Variants in MACROD2 observed in about 807,000 individuals in gnomAD.
The protein encoded by MACROD2 is ADP-ribose glycohydrolase MACROD2.
Under a neutral mutation model 70.4 loss-of-function variants are expected in MACROD2, and 36 were observed. The observed-to-expected ratio is 0.51, with a 90% CI of 0.39 to 0.68. The LOEUF (loss-of-function observed/expected upper bound fraction) is 0.68, where lower values mean the gene tolerates loss of function less well. Among genes scored for constraint, MACROD2 ranks in the 30% least tolerant of loss-of-function variants. MACROD2 has a pLI of 0.00. For missense variants in MACROD2, 496 were observed against 538.4 expected (o/e 0.92, Z 0.78); for synonymous variants, 172 against 178.8 (o/e 0.96, Z 0.30).
chr20:15,759,223 C>T (rs1192675460), intron 8 of MACROD2, among the ~76,000 whole-genome samples: 1 of 150,804 alleles, frequency 6.6e-6, no homozygotes, highest in Non-Finnish European at 1.5e-5. Flanking sequence ...TTCAAAGATG[C>T]CTCTGTGGGA....
chr20:14,531,285 G>C (rs1600348288), intron 4 of MACROD2, among the ~76,000 whole-genome samples: 1 of 152,168 alleles, frequency 6.6e-6, no homozygotes, highest in Non-Finnish European at 1.5e-5. Flanking sequence ...CCTGGATTCA[G>C]GGTGGGCTTA....
intron 5 of MACROD2, among the ~76,000 whole-genome samples, chr20:14,748,864 C>T (rs1036643941): frequency 9.2e-5 from 14 of 152,062 alleles, no homozygotes; most frequent in Non-Finnish European, 1.5e-4. Context: ...CCATGCACCA[C>T]GGTAGTCTAG....
At position 14,044,847 on chromosome 20, in the gene MACROD2, C is replaced by T. The variant is rs534174891; in HGVS notation, c.164-40774C>T. 9.2e-5 allele frequency among the ~76,000 whole-genome samples: 14 copies of T among 152,336 alleles called. No individual in the cohort carries two copies. In the East Asian group the frequency reaches 1.4e-3, roughly 15 times the overall value. On this transcript the variant is annotated intron_variant, in intron 2 of 17. Coordinates refer to ENST00000684519, the MANE Select transcript of MACROD2 (RefSeq NM_001351661.2). ...GTGCTTGCACTCCTCAGCCCTTGGG[C>T]GGTCGATGGGACTGGGTGCCGTAGA... is the stretch of plus-strand genomic sequence containing the variant.
At chr20:15,411,076 TGTA>T (rs1046332766) in intron 6 of MACROD2, among the ~76,000 whole-genome samples, 3 of 151,858 alleles carry the variant, frequency 2.0e-5, no homozygotes, top group African/African-American at 7.3e-5. Context: ...TAGTGGATGA[TGTA>T]GTCATCTTTG....
At position 15,576,552 on chromosome 20, in the gene MACROD2, G is replaced by GTTGT. The variant is rs1555841969; in HGVS notation, c.645+76707_645+76708insGTTT. 4.8e-5 allele frequency among the ~76,000 whole-genome samples: 7 copies of GTTGT among 145,752 alleles called. 1 individual carries two copies. The highest frequency in any genetic ancestry group is 1.4e-4 in the Admixed American group (2 of 14,574). On this transcript the variant is annotated intron_variant, in intron 8 of 17. Coordinates refer to ENST00000684519, the MANE Select transcript of MACROD2 (RefSeq NM_001351661.2). ...ACTAACTTTGTTTTCTGCACAAAAT[G>GTTGT]TTTTTTTTTTTTCTTCCCAGAGGTT... is the stretch of plus-strand genomic sequence containing the variant.
intron 8 of MACROD2, among the ~76,000 whole-genome samples, chr20:15,575,133 G>T (rs1219205605): frequency 6.6e-6 from 1 of 152,174 alleles, no homozygotes; most frequent in Non-Finnish European, 1.5e-5. Flanking sequence ...AGGAACAAGT[G>T]ATCAGAGCAT....
intron 5 of MACROD2, among the ~76,000 whole-genome samples, chr20:15,203,949 G>T (rs1001332488): frequency 3.3e-5 from 5 of 152,202 alleles, no homozygotes; most frequent in African/African-American, 9.6e-5. Flanking sequence ...GACTACGTTT[G>T]TGTGTATGTG....
At chr20:14,675,220 C>G (rs2070845008) in intron 4 of MACROD2, among the ~76,000 whole-genome samples, 1 of 152,128 alleles carries the variant, frequency 6.6e-6, no homozygotes, top group Admixed American at 6.6e-5. Context: ...AAAGATACTC[C>G]TTGAGAAGAG....
intron 6 of MACROD2, among the ~76,000 whole-genome samples, chr20:15,306,369 A>C (rs915980075): frequency 6.6e-6 from 1 of 152,212 alleles, no homozygotes; most frequent in Non-Finnish European, 1.5e-5. Flanking sequence ...CTGAGCACTT[A>C]TTATGTGCCA....
chr20:15,789,802 G>A (rs1416300067), intron 8 of MACROD2, among the ~76,000 whole-genome samples: 2 of 152,004 alleles, frequency 1.3e-5, no homozygotes, highest in East Asian at 1.9e-4. Flanking sequence ...GAAATTAAAA[G>A]AATAATAAAA....
At chr20:15,897,233 C>T (rs1332525730) in intron 10 of MACROD2, among the ~76,000 whole-genome samples, 1 of 152,106 alleles carries the variant, frequency 6.6e-6, no homozygotes, top group Non-Finnish European at 1.5e-5. Flanking sequence ...TTTCTTGCAA[C>T]ATTTTGAAGT....
intron 2 of MACROD2, among the ~76,000 whole-genome samples, chr20:14,066,712 G>C (rs1047553359): frequency 1.3e-5 from 2 of 151,430 alleles, no homozygotes; most frequent in Non-Finnish European, 2.9e-5. Flanking sequence ...AGTCTATCAA[G>C]TTAACCTCAC....
At chr20:15,623,056 T>C (rs2049150735) in intron 8 of MACROD2, among the ~76,000 whole-genome samples, 1 of 152,186 alleles carries the variant, frequency 6.6e-6, no homozygotes, top group South Asian at 2.1e-4. Context: ...TGGTGTCAAA[T>C]TCTAGCAAAG....
At chr20:15,771,315 T>TGGATGTGAACCATCACGCCCTGCC (rs1568551665) in intron 8 of MACROD2, among the ~76,000 whole-genome samples, 2 of 151,306 alleles carry the variant, frequency 1.3e-5, no homozygotes, top group African/African-American at 4.9e-5. Flanking sequence ...GCTGGGACTA[T>TGGATGTGAACCATCACGCCCTGCC]AGGCACACAC....
At chr20:14,462,940 T>C (rs1325284559) in intron 3 of MACROD2, among the ~76,000 whole-genome samples, 1 of 152,124 alleles carries the variant, frequency 6.6e-6, no homozygotes. Flanking sequence ...TACTGTAGCC[T>C]TGTAGTATAG....
At chr20:14,048,697 G>T (rs375492469) in intron 2 of MACROD2, among the ~76,000 whole-genome samples, 11 of 152,008 alleles carry the variant, frequency 7.2e-5, no homozygotes, top group African/African-American at 2.4e-4. Flanking sequence ...AAAATGAAAT[G>T]AATTGGAATG....
intron 8 of MACROD2, among the ~76,000 whole-genome samples, chr20:15,770,306 G>C (rs1262187850): frequency 6.6e-6 from 1 of 151,678 alleles, no homozygotes; most frequent in Non-Finnish European, 1.5e-5. Flanking sequence ...CTCTATCAGT[G>C]GTCATTTATA....
intron 5 of MACROD2, among the ~76,000 whole-genome samples, chr20:15,136,117 G>A (rs1435483958): frequency 2.0e-5 from 3 of 150,730 alleles, no homozygotes; most frequent in East Asian, 1.9e-4. Flanking sequence ...AATCAATATC[G>A]TGAAAATGGC....
intron 2 of MACROD2, among the ~76,000 whole-genome samples, chr20:14,025,163 G>A (rs2053144264): frequency 6.6e-6 from 1 of 152,174 alleles, no homozygotes; most frequent in African/African-American, 2.4e-5. Flanking sequence ...GCATAGAGGT[G>A]TTTATAGTAT....
Sources: gnomAD v4.1 joint callset for allele counts (sites outside exome capture counted in the v4.1 genomes callset) on GRCh38, gnomAD v4.1.1 for gene constraint, MANE v1.5 for transcripts, NCBI Gene and HGNC (gene_info 2026-07-23, HGNC 2026-07-21) for gene names.